WFDC1: variants seen among roughly 807,000 people sequenced by gnomAD.
WFDC1 encodes the protein WAP four-disulfide core domain 1, also known as WAP four-disulfide core domain protein 1.
In WFDC1, 39 loss-of-function variants were observed where a neutral mutation model predicts 32.9. The observed-to-expected ratio is 1.19, with a 90% CI of 0.92 to 1.55. The LOEUF (loss-of-function observed/expected upper bound fraction) is 1.55, where lower values mean the gene tolerates loss of function less well. Ranked by LOEUF, WFDC1 falls within the 40% of genes most tolerant of loss-of-function variation. The pLI is 0.00. For missense variants in WFDC1, 386 were observed against 309.5 expected, an observed-to-expected ratio of 1.25 and a Z score of -1.85; for synonymous variants, 184 against 137.4, an observed-to-expected ratio of 1.34 and a Z score of -2.37.
Position 84,322,160 on chromosome 16 carries a change from CGTGT to C in WFDC1, c.563-2231_563-2228del, listed in dbSNP as rs10687228. Among the ~76,000 whole-genome samples, 388 of 142,284 alleles carry C rather than the reference CGTGT, an allele frequency of 2.7e-3. 3 individuals are homozygous for C. Among genetic ancestry groups the C allele is most frequent in the African/African-American group, 9.2e-3 (354 of 38,328 alleles). 93.3% of individuals were successfully genotyped at this position (142,284 alleles called of 152,430 possible). ...GCCTCAGAGCCTGTGTGTGTGTGTG[CGTGT>C]GTGTGTGTGTGTGTGTGTGTGTGTG... On this transcript the variant is annotated intron_variant, in intron 4 of 6. Transcript: ENST00000219454.
chr16:84,295,046 C>CT lies in WFDC1; in HGVS notation c.75_76insT (p.Leu26SerfsTer111). ...GGGCTCTGTGCCTCTTGCTACTTCT[C>CT]CTCCACGCCGGCTCTGCCAAGAATA... On this transcript the variant is annotated frameshift_variant, in exon 1 of 7. Coordinates refer to ENST00000219454, the MANE Select transcript of WFDC1 (RefSeq NM_021197.4). LOFTEE classifies it high-confidence loss of function. 1 of 1,614,186 alleles carries CT rather than the reference C, an allele frequency of 6.2e-7. No individual in the cohort carries two copies. The highest frequency in any genetic ancestry group is 1.6e-4 in the Middle Eastern group (1 of 6,062).
At chr16:84,301,814 G>T (rs244832) in intron 1 of WFDC1, among the ~76,000 whole-genome samples, 1 of 151,912 alleles carries the variant, frequency 6.6e-6, no homozygotes, top group Non-Finnish European at 1.5e-5. Flanking sequence ...CTTTCTCCTC[G>T]CTGGGACTGA....
intron 4 of WFDC1, among the ~76,000 whole-genome samples, chr16:84,320,713 G>A (rs1013129727): frequency 6.6e-6 from 1 of 152,194 alleles, no homozygotes; most frequent in Admixed American, 6.5e-5. Context: ...GTCAGTGTCA[G>A]TCAGACTGAG....
chr16:84,310,573 C>A (rs549269071), intron 1 of WFDC1, among the ~76,000 whole-genome samples: 1 of 152,294 alleles, frequency 6.6e-6, no homozygotes, highest in Non-Finnish European at 1.5e-5. Context: ...CAGCTTTACA[C>A]CCTATTCTTC....
intron 2 of WFDC1, among the ~76,000 whole-genome samples, chr16:84,314,206 A>T (rs1374740379): frequency 6.6e-6 from 1 of 152,208 alleles, no homozygotes; most frequent in Non-Finnish European, 1.5e-5. Flanking sequence ...GGGATTCATC[A>T]TTGGCAGGAC....
intron 3 of WFDC1, 86 bp downstream of exon 3, chr16:84,318,441 C>A: frequency 7.4e-7 from 1 of 1,352,630 alleles, no homozygotes; most frequent in African/African-American, 1.4e-5. Context: ...AGCACCAGGC[C>A]GGCTGTCCCC....
intron 3 of WFDC1, chr16:84,318,824 C>G: frequency 4.6e-6 from 1 of 216,486 alleles, no homozygotes; most frequent in Non-Finnish European, 9.5e-6. Flanking sequence ...ACTCCACGTC[C>G]ATCTGTGTGT....
chr16:84,295,030 GC>G lies in WFDC1; in HGVS notation c.61del (p.Leu21SerfsTer85), dbSNP rs1567646837. On this transcript the variant is annotated frameshift_variant, in exon 1 of 7. Coordinates refer to ENST00000219454, the MANE Select transcript of WFDC1 (RefSeq NM_021197.4). LOFTEE classifies it high-confidence loss of function. ...SCRRQIIRAL[C>X]LLLLLLHAGS... Reference sequence around the variant, plus strand: ...AGGAGGCAGATCATCCGGGCTCTGTGCCTCTTGCTACTTCTCCTCCACGCCG... The same window carrying G: ...AGGAGGCAGATCATCCGGGCTCTGTGCTCTTGCTACTTCTCCTCCACGCCG... The G allele has an allele frequency of 1.9e-6, 3 of 1,614,240 alleles. No homozygotes were observed. Among genetic ancestry groups the G allele is most frequent in the Non-Finnish European group, 2.5e-6 (3 of 1,180,042 alleles).
chr16:84,325,568 C>G (rs1257509047), intron 5 of WFDC1: 1 of 151,466 alleles, frequency 6.6e-6, no homozygotes, highest in Admixed American at 6.6e-5. Context: ...CCCATCTATG[C>G]ATCCACCCAC....
In WFDC1 at chr16:84,307,801, A is replaced by G. The variant is rs562116753; in HGVS notation, c.145-5160A>G. Among the ~76,000 whole-genome samples, 5 of 152,254 alleles carry G rather than the reference A, an allele frequency of 3.3e-5. No homozygotes were observed. The South Asian group carries it at 8.3e-4, about 25-fold the overall frequency. On this transcript the variant is annotated intron_variant, in intron 1 of 6. Transcript: ENST00000219454. ...AGGATTAAAAATTGCGGACCCCAAC[A>G]TGGGTCCAATGTAGTTAATTCTGCA...
rs1908154639 is a variant in WFDC1, at chr16:84,319,328, T to G, written c.422-103T>G. 2.2e-5 allele frequency: 33 copies of G among 1,500,208 alleles called. No individual in the cohort carries two copies. In the South Asian group the frequency reaches 4.2e-4, roughly 19 times the overall value. The allele number at this position is 1,500,208 out of a possible 1,614,324, so 92.9% of individuals were successfully genotyped here. ...GGCGAGGCCGCCTCTCTGGGTGAGGTGCGTTCCCTGCACCCGTCCCGGGAG... is the reference window on the plus strand; with the variant it reads ...GGCGAGGCCGCCTCTCTGGGTGAGGGGCGTTCCCTGCACCCGTCCCGGGAG... On this transcript the variant is annotated intron_variant, in intron 3 of 6. Transcript: ENST00000219454.
At chr16:84,310,657 C>A (rs971088310) in intron 1 of WFDC1, among the ~76,000 whole-genome samples, 3 of 152,040 alleles carry the variant, frequency 2.0e-5, no homozygotes, top group Non-Finnish European at 4.4e-5. Context: ...TCAGCCTATG[C>A]AAATAGATAT....
At chr16:84,313,314 G>A (rs925058429) in intron 2 of WFDC1, among the ~76,000 whole-genome samples, 161 bp downstream of exon 2, 18 of 152,358 alleles carry the variant, frequency 1.2e-4, no homozygotes, top group African/African-American at 4.1e-4. Flanking sequence ...CGCTCCTTGA[G>A]CAGGCGTGGC....
chr16:84,303,190 G>C (rs1003801267), intron 1 of WFDC1, among the ~76,000 whole-genome samples: 4 of 152,010 alleles, frequency 2.6e-5, no homozygotes, highest in African/African-American at 9.7e-5. Flanking sequence ...TTAGATGTTT[G>C]ACGTCCAAAT....
In WFDC1 at chr16:84,325,351, C is replaced by T. The variant is rs150019110; in HGVS notation, c.604+891C>T. Among the ~76,000 whole-genome samples, 512 of 152,126 alleles carry T rather than the reference C, an allele frequency of 3.4e-3. 5 individuals are homozygous for T. The highest frequency in any genetic ancestry group is 0.012 in the African/African-American group (486 of 41,508). On this transcript the variant is annotated intron_variant, in intron 5 of 6. Transcript: ENST00000219454. Reference sequence around the variant, plus strand: ...CCAAATAGCTGGGATTACAGGTGTCCGCCACCATACCTGGATAATTTTTGT... The same window carrying T: ...CCAAATAGCTGGGATTACAGGTGTCTGCCACCATACCTGGATAATTTTTGT...
chr16:84,328,389 G>A (rs1487695757), intron 6 of WFDC1: 1 of 152,228 alleles, frequency 6.6e-6, no homozygotes, highest in Non-Finnish European at 1.5e-5. Flanking sequence ...TAGCCACAGA[G>A]GGCAAAAAGG....
rs189179454 is a variant in WFDC1, at chr16:84,315,721, T to A, written c.338-2551T>A. Among the ~76,000 whole-genome samples, 490 of 152,300 alleles carry A rather than the reference T, an allele frequency of 3.2e-3. 2 individuals carry two copies. Among genetic ancestry groups the A allele is most frequent in the Middle Eastern group, 0.02 (6 of 294 alleles). ...CCCCAAGTTGTGACAACCAAAAATG[T>A]CTCTAATCTTTCCTAAATGCTCTCT... On this transcript the variant is annotated intron_variant, in intron 2 of 6. Coordinates refer to ENST00000219454, the MANE Select transcript of WFDC1 (RefSeq NM_021197.4).
In WFDC1 at chr16:84,319,558, G is replaced by T; in HGVS notation, c.549G>T (p.Gln183His). ...GIPNRGQCVK[Q>H]RRQADGRILR... is the part of the protein sequence containing the mutation. ...CCAACCGTGGGCAGTGCGTCAAGCA[G>T]CGCCGGCAAGCAGGTGAGTGTGGCA... The change falls in exon 4 of 7, where the codon CAG (glutamine) becomes CAT (histidine). Residue 183 changes from glutamine (Q) to histidine (H), a missense_variant. By Grantham distance (24) the Gln-to-His change is conservative (BLOSUM62 0). Transcript: ENST00000219454. The T allele has an allele frequency of 6.2e-7, 1 of 1,612,576 alleles. No homozygotes were observed.
rs576618187 is a variant in WFDC1, at chr16:84,319,650, A to G, written c.562+79A>G. On this transcript the variant is annotated intron_variant, in intron 4 of 6. Coordinates refer to ENST00000219454, the MANE Select transcript of WFDC1 (RefSeq NM_021197.4). Reference sequence around the variant, plus strand: ...CTGTAAGCGCCTCTCACCCGCATGGACGACCTGCCCCAGGAAGCAGCCCCA... The same window carrying G: ...CTGTAAGCGCCTCTCACCCGCATGGGCGACCTGCCCCAGGAAGCAGCCCCA... 70 of 1,546,694 alleles carry G rather than the reference A, an allele frequency of 4.5e-5. No homozygotes were observed. In the East Asian group the frequency reaches 1.4e-3, roughly 32 times the overall value.
Sources: gnomAD v4.1 joint callset for allele counts (sites outside exome capture counted in the v4.1 genomes callset) on GRCh38, gnomAD v4.1.1 for gene constraint, MANE v1.5 for transcripts, NCBI Gene and HGNC (gene_info 2026-07-23, HGNC 2026-07-21) for gene names.